The following KCNH1 variants were observed in gnomAD, a reference collection of about 807,000 sequenced individuals.
KCNH1 encodes the protein voltage-gated delayed rectifier potassium channel KCNH1.
KCNH1 carries 27 observed loss-of-function variants against 69.2 expected under a neutral mutation model. That is an observed-to-expected ratio of 0.39 (90% CI 0.29 to 0.54). KCNH1 has a LOEUF of 0.54. KCNH1 is among the 20% of genes least tolerant of loss of function. The pLI, the probability that KCNH1 is intolerant of heterozygous loss-of-function variation, is 0.68. For missense variants in KCNH1, 798 were observed against 1,261.6 expected, an observed-to-expected ratio of 0.63 and a Z score of 5.57; for synonymous variants, 456 against 487.7, an observed-to-expected ratio of 0.93 and a Z score of 0.86.
intron 7 of KCNH1, among the ~76,000 whole-genome samples, chr1:210,891,458 G>A (rs1403997139): frequency 6.6e-6 from 1 of 151,910 alleles, no homozygotes; most frequent in African/African-American, 2.4e-5. Flanking sequence ...GTTAATGGGT[G>A]CAGCACACGA....
At chr1:210,827,515 C>A (rs1685057559) in intron 7 of KCNH1, among the ~76,000 whole-genome samples, 1 of 152,092 alleles carries the variant, frequency 6.6e-6, no homozygotes, top group African/African-American at 2.4e-5. Context: ...GCTAAATGAG[C>A]TTTTACTATA....
chr1:210,775,300 T>C (rs760880563), intron 10 of KCNH1, 48 bp downstream of exon 10: 3 of 1,515,094 alleles, frequency 2.0e-6, no homozygotes, highest in Non-Finnish European at 2.7e-6. Flanking sequence ...TTATCCAAAG[T>C]GTACAGAGAC....
At chr1:210,762,018 T>C (rs909541860) in intron 10 of KCNH1, among the ~76,000 whole-genome samples, 1 of 151,930 alleles carries the variant, frequency 6.6e-6, no homozygotes, top group Non-Finnish European at 1.5e-5. Context: ...CTCAATAAAT[T>C]CAAAAAAATC....
At chr1:210,796,909 C>T (rs1182844651) in intron 9 of KCNH1, among the ~76,000 whole-genome samples, 1 of 152,144 alleles carries the variant, frequency 6.6e-6, no homozygotes, top group Non-Finnish European at 1.5e-5. Flanking sequence ...TTCAGCTCTT[C>T]ATTGGATCCC....
At chr1:211,037,474 C>T (rs1049516932) in intron 5 of KCNH1, among the ~76,000 whole-genome samples, 2 of 149,398 alleles carry the variant, frequency 1.3e-5, no homozygotes, top group Non-Finnish European at 3.0e-5. Context: ...CGCTCAAGTC[C>T]AGTTTCCTAA....
intron 5 of KCNH1, among the ~76,000 whole-genome samples, chr1:211,053,439 A>G (rs1439743317): frequency 6.6e-6 from 1 of 152,216 alleles, no homozygotes; most frequent in Non-Finnish European, 1.5e-5. Flanking sequence ...TATAGGAGAC[A>G]TGAGGGGAGG....
At position 210,723,500 on chromosome 1, in the gene KCNH1, G is replaced by T. The variant is rs560345630; in HGVS notation, c.2113-39362C>A. On this transcript the variant is annotated intron_variant, in intron 10 of 10. Transcript: ENST00000271751. ...ACTCTCCCCAAAGAAAAACCAAGAAGAAACACTTTCCAAATGTTTCTTTCC... is the reference window on the plus strand; with the variant it reads ...ACTCTCCCCAAAGAAAAACCAAGAATAAACACTTTCCAAATGTTTCTTTCC... Among the ~76,000 whole-genome samples, 3 of 152,228 alleles carry T rather than the reference G, an allele frequency of 2.0e-5. No homozygotes were observed. In the East Asian group the frequency reaches 5.8e-4, roughly 29 times the overall value.
rs566422257 is a variant in KCNH1, at chr1:210,987,631, C to T, written c.1032+31152G>A. On this transcript the variant is annotated intron_variant, in intron 6 of 10. Transcript: ENST00000271751. ...TGAACCGCAAATGCTGCTGCCTGAT[C>T]GTTCCTCTGGAAGTTTTGTCTCAGA... Among the ~76,000 whole-genome samples the T allele has an allele frequency of 2.6e-5, 4 of 152,056 alleles. No individual in the cohort carries two copies. In the East Asian group the frequency reaches 5.8e-4, roughly 22 times the overall value.
At chr1:210,934,794 T>A in intron 6 of KCNH1, among the ~76,000 whole-genome samples, 1 of 151,424 alleles carries the variant, frequency 6.6e-6, no homozygotes, top group East Asian at 1.9e-4. Flanking sequence ...CAATTGCTAG[T>A]GAGGATGAGA....
chr1:210,813,564 G>A (rs1003708435), intron 7 of KCNH1, among the ~76,000 whole-genome samples: 1 of 152,204 alleles, frequency 6.6e-6, no homozygotes, highest in African/African-American at 2.4e-5. Flanking sequence ...TGTTAATGTA[G>A]TTTTTGGTCT....
At chr1:210,936,457 A>C (rs964506054) in intron 6 of KCNH1, among the ~76,000 whole-genome samples, 9 of 152,288 alleles carry the variant, frequency 5.9e-5, no homozygotes, top group Middle Eastern at 3.4e-3. Context: ...CAAGCTCCAC[A>C]CTTGCATCTT....
intron 8 of KCNH1, among the ~76,000 whole-genome samples, chr1:210,800,859 G>A (rs1232722244): frequency 6.6e-6 from 1 of 152,206 alleles, no homozygotes; most frequent in East Asian, 1.9e-4. Context: ...TAAGAGAAGA[G>A]GCGTTAGGAT....
At chr1:211,014,874 A>G (rs1159084226) in intron 6 of KCNH1, among the ~76,000 whole-genome samples, 1 of 152,188 alleles carries the variant, frequency 6.6e-6, no homozygotes, top group Non-Finnish European at 1.5e-5. Context: ...AACAGATCAC[A>G]GGTGAGAAGA....
chr1:210,746,333 T>G (rs11119588), intron 10 of KCNH1, among the ~76,000 whole-genome samples: 69,824 of 151,498 alleles, frequency 0.46, 16,435 homozygotes, highest in East Asian at 0.68. Context: ...CAGAGATGCC[T>G]CCCCTTTCAT....
intron 6 of KCNH1, among the ~76,000 whole-genome samples, chr1:210,929,475 CA>C (rs1217257613): frequency 6.6e-6 from 1 of 152,148 alleles, no homozygotes; most frequent in East Asian, 1.9e-4. Flanking sequence ...CAAAATTCAG[CA>C]TCGCTTTATG....
intron 7 of KCNH1, among the ~76,000 whole-genome samples, chr1:210,874,651 C>T (rs999297008): frequency 5.3e-5 from 8 of 152,136 alleles, no homozygotes; most frequent in African/African-American, 1.9e-4. Flanking sequence ...AGAACCATGT[C>T]AGGCACAATA....
At position 211,090,697 on chromosome 1, in the gene KCNH1, G is replaced by A. The variant is rs1388600790; in HGVS notation, c.311-7C>T. 1 of 1,598,474 alleles carries A rather than the reference G, an allele frequency of 6.3e-7. No individual in the cohort carries two copies. The highest frequency in any genetic ancestry group is 8.5e-7 in the Non-Finnish European group (1 of 1,176,640). On this transcript the variant is annotated splice_polypyrimidine_tract_variant and splice_region_variant and intron_variant, in intron 3 of 10. Coordinates refer to ENST00000271751, the MANE Select transcript of KCNH1 (RefSeq NM_172362.3). ...AAGAACCACACAGGTGTCCCTGAAA[G>A]GAATATCAAAAGGTTGGTCAGTAAT...
chr1:210,941,644 A>G (rs747671601), intron 6 of KCNH1, among the ~76,000 whole-genome samples: 20 of 152,204 alleles, frequency 1.3e-4, no homozygotes, highest in Admixed American at 3.3e-4. Context: ...GTCACTGGGC[A>G]TACTTCTGAG....
rs139899876 is a variant in KCNH1 at position 210,907,790 on chromosome 1, T to A, written c.1462+11850A>T. Among the ~76,000 whole-genome samples the A allele has an allele frequency of 1.6e-3, 239 of 152,226 alleles. 1 individual carries two copies. Among genetic ancestry groups the A allele is most frequent in the African/African-American group, 5.5e-3 (229 of 41,530 alleles). ...GAAATGATGTGGTATGTGTCAGTAG[T>A]GGCCAGGGAAGGAGAGCAGATGCTA... On this transcript the variant is annotated intron_variant, in intron 7 of 10. Coordinates refer to ENST00000271751, the MANE Select transcript of KCNH1 (RefSeq NM_172362.3).
Sources: allele counts gnomAD v4.1 joint callset (sites outside exome capture counted in the v4.1 genomes callset), GRCh38; gene constraint gnomAD v4.1.1; transcripts MANE v1.5; gene names NCBI Gene and HGNC (gene_info 2026-07-23, HGNC 2026-07-21).